METTL16: variants seen among roughly 807,000 people sequenced by gnomAD.
The protein encoded by METTL16 is RNA N(6)-adenosine-methyltransferase METTL16.
In METTL16, 19 loss-of-function variants were observed where a neutral mutation model predicts 57.9. The ratio of observed to expected loss-of-function variants is 0.33; its 90% CI spans 0.23 to 0.48. The LOEUF (loss-of-function observed/expected upper bound fraction) is 0.48, where lower values mean the gene tolerates loss of function less well. Among genes scored for constraint, METTL16 ranks in the 20% least tolerant of loss-of-function variants. The pLI, the probability that METTL16 is intolerant of heterozygous loss-of-function variation, is 0.99. For missense variants in METTL16, 434 were observed against 691.5 expected (o/e 0.63, Z 4.18); for synonymous variants, 246 against 255.6 (o/e 0.96, Z 0.36).
At chr17:2,452,583 C>G (rs982911829) in intron 6 of METTL16, among the ~76,000 whole-genome samples, 1 of 152,184 alleles carries the variant, frequency 6.6e-6, no homozygotes, top group Non-Finnish European at 1.5e-5. Context: ...TAGCACTCTA[C>G]TTATTACAAC....
Position 2,426,030 on chromosome 17 carries a change from CA to C in METTL16, c.889-5127del, listed in dbSNP as rs71375599. ...ATGTCTCCGTTAATTATGGCTAAGG[CA>C]AAAAAAAAAAAAAAAAGCCACAGGC... On this transcript the variant is annotated intron_variant, in intron 8 of 9. Coordinates refer to ENST00000263092, the MANE Select transcript of METTL16 (RefSeq NM_024086.4). 8.1e-3 allele frequency among the ~76,000 whole-genome samples: 758 copies of C among 93,100 alleles called. 2 individuals carry two copies. Among genetic ancestry groups the C allele is most frequent in the Middle Eastern group, 0.016 (3 of 182 alleles). The allele number at this position is 93,100 out of a possible 152,430, so 61.1% of individuals were successfully genotyped here. A position where few individuals can be genotyped will look rare whatever the true frequency, so the allele number is the denominator to read the frequency against.
intron 2 of METTL16, among the ~76,000 whole-genome samples, chr17:2,498,784 G>A (rs1420937728): frequency 6.6e-6 from 1 of 151,426 alleles, no homozygotes; most frequent in Non-Finnish European, 1.5e-5. Context: ...GGATGGGCAA[G>A]GCACAAGAAT....
At chr17:2,457,292 C>A (rs1236406796) in intron 6 of METTL16, among the ~76,000 whole-genome samples, 1 of 138,764 alleles carries the variant, frequency 7.2e-6, no homozygotes. Flanking sequence ...GAGCCGAGAT[C>A]GCGCCACTGC....
intron 3 of METTL16, among the ~76,000 whole-genome samples, chr17:2,474,184 A>G (rs1042938825): frequency 6.6e-6 from 1 of 152,192 alleles, no homozygotes; most frequent in African/African-American, 2.4e-5. Context: ...AAGAGTCTTC[A>G]TTTTAAATCT....
At chr17:2,456,236 A>G (rs887292579) in intron 6 of METTL16, among the ~76,000 whole-genome samples, 1 of 152,014 alleles carries the variant, frequency 6.6e-6, no homozygotes, top group African/African-American at 2.4e-5. Flanking sequence ...TAGGAAGCTG[A>G]GGGGCACAAT....
intron 6 of METTL16, among the ~76,000 whole-genome samples, chr17:2,441,984 G>A (rs115750841): frequency 1.3e-5 from 2 of 152,288 alleles, no homozygotes; most frequent in African/African-American, 4.8e-5. Flanking sequence ...TCATCTGCAC[G>A]TAATTTAAGG....
intron 1 of METTL16, among the ~76,000 whole-genome samples, chr17:2,509,364 A>G (rs1441267515): frequency 1.3e-5 from 2 of 152,152 alleles, no homozygotes; most frequent in Non-Finnish European, 2.9e-5. Flanking sequence ...CCTAGCATTG[A>G]CATACCCTTT....
chr17:2,450,606 A>T (rs1416578584), intron 6 of METTL16, among the ~76,000 whole-genome samples: 2 of 152,174 alleles, frequency 1.3e-5, no homozygotes, highest in African/African-American at 4.8e-5. Context: ...GGATTATCTT[A>T]TACCTTCAAA....
intron 6 of METTL16, among the ~76,000 whole-genome samples, chr17:2,456,231 A>G (rs1300433398): frequency 1.3e-5 from 2 of 152,064 alleles, no homozygotes; most frequent in African/African-American, 2.4e-5. Flanking sequence ...CTGTGTAGGA[A>G]GCTGAGGGGC....
chr17:2,488,564 CACCAAAAAAACAAATTAAAAAAA>C (rs2067360706), intron 2 of METTL16, among the ~76,000 whole-genome samples: 1 of 151,584 alleles, frequency 6.6e-6, no homozygotes, highest in Non-Finnish European at 1.5e-5. Context: ...GTTCCCCACC[CACCAAAAAAACAAATTAAAAAAA>C]ACAAAAAAAA....
At chr17:2,493,700 C>T (rs967183481) in intron 2 of METTL16, among the ~76,000 whole-genome samples, 2 of 140,224 alleles carry the variant, frequency 1.4e-5, no homozygotes, top group Non-Finnish European at 1.5e-5. Context: ...GTCTGGGTGA[C>T]GCTGTGAGAC....
intron 6 of METTL16, among the ~76,000 whole-genome samples, chr17:2,451,379 G>A (rs1352416826): frequency 6.6e-6 from 1 of 152,196 alleles, no homozygotes; most frequent in Non-Finnish European, 1.5e-5. Context: ...AGCACTTTCG[G>A]AGGGCGAGGT....
chr17:2,502,811 A>G (rs1267748892), intron 1 of METTL16, among the ~76,000 whole-genome samples: 1 of 152,222 alleles, frequency 6.6e-6, no homozygotes, highest in Non-Finnish European at 1.5e-5. Flanking sequence ...ACAAATAAGC[A>G]CATGAAGAGA....
rs1491101844 is a variant in METTL16 at position 2,417,084 on chromosome 17, TTG to T, written c.*2884_*2885del. ...TTTTTTTTTTTTTTTTTTTTTTTTTTTGAGACAGTCCCACTTTGTCGCCCAGG... is the reference window on the plus strand; with the variant it reads ...TTTTTTTTTTTTTTTTTTTTTTTTTTAGACAGTCCCACTTTGTCGCCCAGG... On this transcript the variant is annotated 3_prime_UTR_variant, in exon 10 of 10. Transcript: ENST00000263092. The T allele has an allele frequency of 3.6e-5, 5 of 139,830 alleles. No homozygotes were observed. Among genetic ancestry groups the T allele is most frequent in the African/African-American group, 1.4e-4 (5 of 36,626 alleles). 8.7% of individuals were successfully genotyped at this position (139,830 alleles called of 1,614,324 possible).
At chr17:2,501,542 C>T (rs878906501) in intron 2 of METTL16, among the ~76,000 whole-genome samples, 2 of 152,270 alleles carry the variant, frequency 1.3e-5, no homozygotes, top group Admixed American at 1.3e-4. Flanking sequence ...TCCTGCCTCA[C>T]ATCAAAATAA....
chr17:2,450,064 G>GTGACTATA (rs1392915058), intron 6 of METTL16, among the ~76,000 whole-genome samples: 1 of 152,186 alleles, frequency 6.6e-6, no homozygotes. Context: ...ACTTTGAAAA[G>GTGACTATA]CAGCTTCTTA....
intron 7 of METTL16, among the ~76,000 whole-genome samples, chr17:2,440,161 G>A (rs2066937332): frequency 6.6e-6 from 1 of 152,166 alleles, no homozygotes; most frequent in African/African-American, 2.4e-5. Context: ...AGAGGCTGAA[G>A]TGGGAGGATT....
intron 3 of METTL16, 142 bp downstream of exon 3, chr17:2,477,544 T>C (rs1315607520): frequency 1.8e-5 from 12 of 655,692 alleles, no homozygotes; most frequent in Non-Finnish European, 2.9e-5. Flanking sequence ...TTTCGGATTT[T>C]CGGATTAAGG....
At chr17:2,510,055 T>C (rs113922261) in intron 1 of METTL16, among the ~76,000 whole-genome samples, 6,265 of 151,506 alleles carry the variant, frequency 0.041, 143 homozygotes, top group Non-Finnish European at 0.053. Context: ...CCAGCCTTGG[T>C]GACAGTGAAA....
Sources: gnomAD v4.1 joint callset for allele counts (sites outside exome capture counted in the v4.1 genomes callset) on GRCh38, gnomAD v4.1.1 for gene constraint, MANE v1.5 for transcripts, NCBI Gene and HGNC (gene_info 2026-07-23, HGNC 2026-07-21) for gene names.